Variants in ZNF429 observed in about 807,000 individuals in gnomAD.
ZNF429 encodes zinc finger protein 429.
In ZNF429, 53 loss-of-function variants were observed where a neutral mutation model predicts 56.8. That is an observed-to-expected ratio of 0.93 (90% CI 0.75 to 1.17). The LOEUF is 1.17. ZNF429 is among the 50% of genes most tolerant of loss of function. The pLI is 0.00. For synonymous variants in ZNF429, 278 were observed against 264.7 expected, an observed-to-expected ratio of 1.05 and a Z score of -0.49; for missense variants, 849 against 788.4, an observed-to-expected ratio of 1.08 and a Z score of -0.92.
chr19:21,515,875 C>T (rs942544470), intron 1 of ZNF429, among the ~76,000 whole-genome samples: 21 of 152,046 alleles, frequency 1.4e-4, no homozygotes, highest in African/African-American at 4.8e-4. Context: ...TCAGCTTTGT[C>T]AAATATCAGA....
At position 21,537,141 on chromosome 19, in the gene ZNF429, A is replaced by G; in HGVS notation, c.1088A>G (p.His363Arg). The change falls in exon 4 of 4, where the codon CAT becomes CGT. Residue 363 changes from histidine to arginine, a missense_variant. Transcript: ENST00000358491. ...ACTCTTACTAAACATAAGGTAATTC[A>G]TACTGGAGAGAAGCCCTACAAATGT... ...SSTLTKHKVI[H>R]TGEKPYKCEE... 1.2e-6 allele frequency: 2 copies of G among 1,613,840 alleles called. No homozygotes were observed. Among genetic ancestry groups the G allele is most frequent in the Non-Finnish European group, 1.7e-6 (2 of 1,179,922 alleles).
chr19:21,535,055 C>T, intron 3 of ZNF429, among the ~76,000 whole-genome samples: 1 of 149,110 alleles, frequency 6.7e-6, no homozygotes, highest in African/African-American at 2.5e-5. Context: ...TCTCGATCTC[C>T]TGACCTTGTG....
intron 3 of ZNF429, among the ~76,000 whole-genome samples, chr19:21,532,029 T>TA: frequency 8.9e-6 from 1 of 111,902 alleles, no homozygotes; most frequent in African/African-American, 3.4e-5. Flanking sequence ...AAAACAATCT[T>TA]ATTTACAATA....
At chr19:21,507,382 T>G (rs1361214235) in intron 1 of ZNF429, 1 of 152,240 alleles carries the variant, frequency 6.6e-6, no homozygotes, top group Admixed American at 6.5e-5. Context: ...AAACATTTTT[T>G]GACAAAGCAT....
chr19:21,529,681 G>A lies in ZNF429; in HGVS notation c.27G>A (p.Val9=). MGPLTFTD[V]AIEFSLEEWQ... is the part of the protein sequence containing the mutation. The stretch of plus-strand genomic sequence containing the variant: ...AGGGACCATTGACATTTACAGATGT[G>A]GCCATAGAATTCTCTCTGGAGGAGT... Residue 9 remains valine (V), a synonymous_variant, in exon 2 of 4, where the codon GTG becomes GTA. Coordinates refer to ENST00000358491, the MANE Select transcript of ZNF429 (RefSeq NM_001001415.4). 3 of 1,594,174 alleles carry A rather than the reference G, an allele frequency of 1.9e-6. No homozygotes were observed. Among genetic ancestry groups the A allele is most frequent in the Non-Finnish European group, 2.6e-6 (3 of 1,169,126 alleles).
Position 21,526,294 on chromosome 19 carries a change from CTA to C in ZNF429, c.4-3363_4-3362del, listed in dbSNP as rs532367834. ...GCACCCATCACCCAAGCAGTTTACA[CTA>C]CACCCATTTGTAGTCTTCTATCCCT... On this transcript the variant is annotated intron_variant, in intron 1 of 3. Transcript: ENST00000358491. Among the ~76,000 whole-genome samples, 106 of 152,162 alleles carry C rather than the reference CTA, an allele frequency of 7.0e-4. 1 individual carries two copies. Among genetic ancestry groups the C allele is most frequent in the African/African-American group, 2.5e-3 (103 of 41,500 alleles).
chr19:21,517,597 T>C (rs1334098588), intron 1 of ZNF429, among the ~76,000 whole-genome samples: 3 of 151,710 alleles, frequency 2.0e-5, no homozygotes, highest in African/African-American at 7.3e-5. Context: ...ATTTACTAAT[T>C]CAATTTTAGA....
At position 21,538,808 on chromosome 19, in the gene ZNF429, A is replaced by G. The variant is rs1004302321; in HGVS notation, c.*730A>G. 1 of 152,226 alleles carries G rather than the reference A, an allele frequency of 6.6e-6. No homozygotes were observed. Among genetic ancestry groups the G allele is most frequent in the Admixed American group, 6.5e-5 (1 of 15,286 alleles). The allele number at this position is 152,226 out of a possible 1,614,324, so 9.4% of individuals were successfully genotyped here. ...CTTAACAACAGAGAGTTGATACTTAATAAGAGCATTGTAAGTGCAATTACT... is the reference window on the plus strand; with the variant it reads ...CTTAACAACAGAGAGTTGATACTTAGTAAGAGCATTGTAAGTGCAATTACT... On this transcript the variant is annotated 3_prime_UTR_variant, in exon 4 of 4. Transcript: ENST00000358491.
intron 3 of ZNF429, among the ~76,000 whole-genome samples, chr19:21,530,972 G>A: frequency 9.2e-5 from 14 of 151,784 alleles, no homozygotes; most frequent in Non-Finnish European, 4.4e-5. Flanking sequence ...TGGGCATGGT[G>A]TCACATGCCT....
Position 21,535,364 on chromosome 19 carries a change from T to TC in ZNF429, c.227-915dup. On this transcript the variant is annotated intron_variant, in intron 3 of 3. Transcript: ENST00000358491. The stretch of plus-strand genomic sequence containing the variant: ...CTTTCCTTTCCTTTCTTTTCTTCTT[T>TC]CTTTCTTTCTTTCTTTTTTACTTTC... Among the ~76,000 whole-genome samples the TC allele has an allele frequency of 7.0e-4, 73 of 105,034 alleles. 9 individuals are homozygous for TC. The highest frequency in any genetic ancestry group is 2.6e-3 in the African/African-American group (70 of 26,838). 68.9% of individuals were successfully genotyped at this position (105,034 alleles called of 152,430 possible).
chr19:21,523,813 T>C lies in ZNF429; in HGVS notation c.4-5845T>C, dbSNP rs2033070544. On this transcript the variant is annotated intron_variant, in intron 1 of 3. Transcript: ENST00000358491. ...TCATCTTCTACCTTCTAGATAGATGTATAATCTAGAGTGTGCCAGAGCAGC... is the reference window on the plus strand; with the variant it reads ...TCATCTTCTACCTTCTAGATAGATGCATAATCTAGAGTGTGCCAGAGCAGC... Among the ~76,000 whole-genome samples, 4 of 152,202 alleles carry C rather than the reference T, an allele frequency of 2.6e-5. No homozygotes were observed. The South Asian group carries it at 8.3e-4, about 31-fold the overall frequency.
chr19:21,529,433 G>A lies in ZNF429; in HGVS notation c.4-225G>A, dbSNP rs892811403. On this transcript the variant is annotated intron_variant, in intron 1 of 3. Coordinates refer to ENST00000358491, the MANE Select transcript of ZNF429 (RefSeq NM_001001415.4). Reference sequence around the variant, plus strand: ...AAAATGTCATGTGTACACTGATGTTGTGGATCTTATGCCACTATTTTCTCA... The same window carrying A: ...AAAATGTCATGTGTACACTGATGTTATGGATCTTATGCCACTATTTTCTCA... The A allele has an allele frequency of 2.7e-5, 23 of 858,606 alleles. No homozygotes were observed. The Admixed American group carries it at 1.3e-3, about 49-fold the overall frequency. 53.2% of individuals were successfully genotyped at this position (858,606 alleles called of 1,614,324 possible).
In ZNF429 at chr19:21,518,263, G is replaced by A. The variant is rs978455206; in HGVS notation, c.4-11395G>A. Among the ~76,000 whole-genome samples the A allele has an allele frequency of 3.7e-4, 57 of 152,144 alleles. 1 individual carries two copies. Among genetic ancestry groups the A allele is most frequent in the African/African-American group, 1.1e-3 (47 of 41,426 alleles). Reference sequence around the variant, plus strand: ...CTTGTCTTCTGCTAGCTCAGGGGCTGGTTTGCTCTTGCTTCTCTTATACTT... The same window carrying A: ...CTTGTCTTCTGCTAGCTCAGGGGCTAGTTTGCTCTTGCTTCTCTTATACTT... On this transcript the variant is annotated intron_variant, in intron 1 of 3. Transcript: ENST00000358491.
At chr19:21,513,566 T>G (rs1355341240) in intron 1 of ZNF429, among the ~76,000 whole-genome samples, 1 of 152,172 alleles carries the variant, frequency 6.6e-6, no homozygotes, top group Non-Finnish European at 1.5e-5. Context: ...GTGTCCAAAT[T>G]CAAATGTTAG....
chr19:21,511,525 CG>C (rs1437562823), intron 1 of ZNF429, among the ~76,000 whole-genome samples: 1 of 151,762 alleles, frequency 6.6e-6, no homozygotes, highest in African/African-American at 2.4e-5. Flanking sequence ...GGATGGCAGC[CG>C]GGAAGAGGCG....
At chr19:21,533,562 T>C in intron 3 of ZNF429, among the ~76,000 whole-genome samples, 4,019 of 148,326 alleles carry the variant, frequency 0.027, 138 homozygotes, top group African/African-American at 0.074. Flanking sequence ...AGGGATTTGT[T>C]AGTGGTTCTT....
intron 1 of ZNF429, among the ~76,000 whole-genome samples, chr19:21,512,035 C>G (rs893119040): frequency 6.6e-6 from 1 of 152,160 alleles, no homozygotes; most frequent in Non-Finnish European, 1.5e-5. Context: ...CAGTACAGTC[C>G]AGCTTCGGCT....
chr19:21,517,746 A>G (rs984433972), intron 1 of ZNF429, among the ~76,000 whole-genome samples: 1 of 150,544 alleles, frequency 6.6e-6, no homozygotes, highest in Non-Finnish European at 1.5e-5. Context: ...AGACTTCAGT[A>G]GTTATTTGTA....
rs1303541361 is a variant in ZNF429 at position 21,538,478 on chromosome 19, T to G, written c.*400T>G. 1 of 154,610 alleles carries G rather than the reference T, an allele frequency of 6.5e-6. No homozygotes were observed. Among genetic ancestry groups the G allele is most frequent in the Non-Finnish European group, 1.4e-5 (1 of 70,032 alleles). 9.6% of individuals were successfully genotyped at this position (154,610 alleles called of 1,614,324 possible). A position where few individuals can be genotyped will look rare whatever the true frequency, so the allele number is the denominator to read the frequency against. On this transcript the variant is annotated 3_prime_UTR_variant, in exon 4 of 4. Coordinates refer to ENST00000358491, the MANE Select transcript of ZNF429 (RefSeq NM_001001415.4). ...AGCTGGATGTGGTGGCACATGCCTGTAGTCCTAGCTACTTGGGAGGCTGAG... is the reference window on the plus strand; with the variant it reads ...AGCTGGATGTGGTGGCACATGCCTGGAGTCCTAGCTACTTGGGAGGCTGAG...
Sources: allele counts gnomAD v4.1 joint callset (sites outside exome capture counted in the v4.1 genomes callset), GRCh38; gene constraint gnomAD v4.1.1; transcripts MANE v1.5; gene names NCBI Gene and HGNC (gene_info 2026-07-23, HGNC 2026-07-21).